Variants in PYGL observed in about 807,000 individuals in gnomAD.
PYGL encodes glycogen phosphorylase, liver form.
PYGL carries 90 observed loss-of-function variants against 100.1 expected under a neutral mutation model. The observed-to-expected ratio is 0.90, with a 90% CI of 0.76 to 1.07. The LOEUF (loss-of-function observed/expected upper bound fraction) is 1.07. Among genes scored for constraint, PYGL ranks in the 50% least tolerant of loss-of-function variants. PYGL has a pLI of 0.00. For missense variants in PYGL, 1,016 were observed against 1,057.6 expected (o/e 0.96, Z 0.55); for synonymous variants, 373 against 393.0 (o/e 0.95, Z 0.60).
At chr14:50,921,637 C>A (rs901744956) in intron 5 of PYGL, 2 of 152,958 alleles carry the variant, frequency 1.3e-5, no homozygotes, top group Admixed American at 1.3e-4. Flanking sequence ...ACCTCGGCCT[C>A]CCAAAGTGCT....
intron 4 of PYGL, 147 bp from the exon 5 acceptor site, chr14:50,924,247 C>T: frequency 1.2e-6 from 1 of 868,652 alleles, no homozygotes; most frequent in Non-Finnish European, 1.8e-6. Context: ...TTACAGCCTA[C>T]ATCAACAATA....
chr14:50,926,319 C>T lies in PYGL; in HGVS notation c.529-2219G>A, dbSNP rs866343390. 1.1e-4 allele frequency among the ~76,000 whole-genome samples: 16 copies of T among 151,868 alleles called. No individual in the cohort carries two copies. The South Asian group carries it at 3.3e-3, about 32-fold the overall frequency. Reference sequence around the variant, plus strand: ...TGAGCTGTGATCATGCCACTGTACTCCACCCTGGGTGACAGAGTGAGACTC... The same window carrying T: ...TGAGCTGTGATCATGCCACTGTACTTCACCCTGGGTGACAGAGTGAGACTC... On this transcript the variant is annotated intron_variant, in intron 4 of 19. Transcript: ENST00000216392.
intron 1 of PYGL, among the ~76,000 whole-genome samples, chr14:50,941,661 A>AGGAGG (rs2050703069): frequency 1.3e-5 from 2 of 152,172 alleles, no homozygotes; most frequent in Admixed American, 6.5e-5. Context: ...TGGGTGGATC[A>AGGAGG]CCAGGTCAGG....
intron 1 of PYGL, 50 bp from the exon 2 acceptor site, chr14:50,937,887 C>T (rs2050669377): frequency 6.7e-7 from 1 of 1,500,284 alleles, no homozygotes; most frequent in Non-Finnish European, 9.3e-7. Context: ...ATCAACCTCA[C>T]TTAACATAAA....
chr14:50,928,284 C>A (rs1442692987), intron 4 of PYGL, among the ~76,000 whole-genome samples: 1 of 152,114 alleles, frequency 6.6e-6, no homozygotes, highest in Non-Finnish European at 1.5e-5. Context: ...CAGGAGAGCC[C>A]ATGAACTTGG....
rs1019125158 is a variant in PYGL at position 50,921,922 on chromosome 14, T to C, written c.661-855A>G. Reference sequence around the variant, plus strand: ...GCTATGCTAGATTTTTAAAGTTGCATAAGGAGTTATTTTAGTGATTCCTAC... The same window carrying C: ...GCTATGCTAGATTTTTAAAGTTGCACAAGGAGTTATTTTAGTGATTCCTAC... On this transcript the variant is annotated intron_variant, in intron 5 of 19. Coordinates refer to ENST00000216392, the MANE Select transcript of PYGL (RefSeq NM_002863.5). Among the ~76,000 whole-genome samples the C allele has an allele frequency of 2.0e-5, 3 of 152,336 alleles. No homozygotes were observed. The East Asian group carries it at 5.8e-4, about 29-fold the overall frequency.
chr14:50,925,889 G>C (rs2050543235), intron 4 of PYGL, among the ~76,000 whole-genome samples: 2 of 152,134 alleles, frequency 1.3e-5, no homozygotes, highest in Non-Finnish European at 2.9e-5. Context: ...TCGTCAGAAA[G>C]TCACATCTTC....
At position 50,920,663 on chromosome 14, in the gene PYGL, C is replaced by A. The variant is rs200146985; in HGVS notation, c.773-40G>T. ...GAGAAACAATAAATAGAGAAACCAG[C>A]CATTGTTGTTGGAAACCTCTTGATC... On this transcript the variant is annotated intron_variant, in intron 6 of 19. Transcript: ENST00000216392. 135 of 1,552,622 alleles carry A rather than the reference C, an allele frequency of 8.7e-5. No individual in the cohort carries two copies. In the African/African-American group the frequency reaches 1.5e-3, roughly 17 times the overall value.
chr14:50,927,004 T>C (rs944059022), intron 4 of PYGL, among the ~76,000 whole-genome samples: 4 of 152,048 alleles, frequency 2.6e-5, no homozygotes, highest in African/African-American at 7.2e-5. Flanking sequence ...TTGTATGAAA[T>C]AGGAAGACGA....
intron 19 of PYGL, among the ~76,000 whole-genome samples, chr14:50,907,007 C>G (rs1344152907): frequency 6.6e-6 from 1 of 152,204 alleles, no homozygotes; most frequent in African/African-American, 2.4e-5. Flanking sequence ...AAAACCCACC[C>G]TGGAGTCTTG....
In PYGL at chr14:50,914,778, G is replaced by C. The variant is rs1318218293; in HGVS notation, c.1441C>G (p.Gln481Glu). ...GGAGTGATCCCATTGGTTTTATTCT[G>C]AAACTTGTCAGGTTCTAGCTCACTG... The part of the protein sequence containing the change: ...DFSELEPDKF[Q>E]NKTNGITPRR... The change falls in exon 12 of 20, where the codon CAG (glutamine) becomes GAG (glutamate). Residue 481 changes from glutamine (Q) to glutamate (E), a missense_variant. Physicochemically the swap from Gln to Glu is conservative, Grantham distance 29. Transcript: ENST00000216392. 1 of 1,614,034 alleles carries C rather than the reference G, an allele frequency of 6.2e-7. No homozygotes were observed. Among genetic ancestry groups the C allele is most frequent in the Admixed American group, 1.7e-5 (1 of 60,016 alleles).
chr14:50,928,081 G>A (rs1238033799), intron 4 of PYGL, among the ~76,000 whole-genome samples: 2 of 152,158 alleles, frequency 1.3e-5, no homozygotes, highest in Admixed American at 6.6e-5. Flanking sequence ...TGGATCTGTG[G>A]AGTAAAAGAG....
At chr14:50,920,462 T>G (rs187297446) in intron 7 of PYGL, 79 bp downstream of exon 7, 2 of 1,308,088 alleles carry the variant, frequency 1.5e-6, no homozygotes, top group East Asian at 4.6e-5. Flanking sequence ...ATATTAAATG[T>G]GTTTTATAGG....
chr14:50,911,078 C>T lies in PYGL; in HGVS notation c.1969+652G>A, dbSNP rs574271752. Among the ~76,000 whole-genome samples the T allele has an allele frequency of 2.3e-4, 35 of 152,334 alleles. No individual in the cohort carries two copies. In the South Asian group the frequency reaches 6.6e-3, roughly 29 times the overall value. On this transcript the variant is annotated intron_variant, in intron 16 of 19. Coordinates refer to ENST00000216392, the MANE Select transcript of PYGL (RefSeq NM_002863.5). ...CAAAAAGAAAAAGCTCCCTTTCTACCTTTTCAGTTTGGGAAGTGGGTGAAT... is the reference window on the plus strand; with the variant it reads ...CAAAAAGAAAAAGCTCCCTTTCTACTTTTTCAGTTTGGGAAGTGGGTGAAT...
chr14:50,910,214 A>G (rs2050380393), intron 16 of PYGL, 112 bp from the exon 17 acceptor site: 1 of 1,121,684 alleles, frequency 8.9e-7, no homozygotes, highest in South Asian at 1.3e-5. Flanking sequence ...ATACATGCAC[A>G]TTAAGATAAA....
intron 5 of PYGL, 120 bp downstream of exon 5, chr14:50,923,849 T>C: frequency 8.0e-7 from 1 of 1,243,374 alleles, no homozygotes; most frequent in Non-Finnish European, 1.1e-6. Flanking sequence ...AAATATATTC[T>C]ATTATTCAAA....
rs2050428928 is a variant in PYGL at position 50,914,690 on chromosome 14, T to G, written c.1518+11A>C. On this transcript the variant is annotated intron_variant, in intron 12 of 19. Coordinates refer to ENST00000216392, the MANE Select transcript of PYGL (RefSeq NM_002863.5). ...GTCAGGCCTCCTTTCCTCTCAGCAC[T>G]TCCCAGTTACCTCTGCTATGAGCTC... is the stretch of plus-strand genomic sequence containing the variant. The G allele has an allele frequency of 6.2e-7, 1 of 1,601,360 alleles. No individual in the cohort carries two copies. The highest frequency in any genetic ancestry group is 2.2e-5 in the East Asian group (1 of 44,808).
chr14:50,924,126 G>C (rs748160270), intron 4 of PYGL, 26 bp from the exon 5 acceptor site: 8 of 1,609,732 alleles, frequency 5.0e-6, no homozygotes, highest in African/African-American at 1.3e-5. Flanking sequence ...GTATTGCTTA[G>C]AATTTATTTG....
rs1322656769 is a variant in PYGL, at chr14:50,916,841, G to T, written c.1000-107C>A. 3.2e-6 allele frequency: 5 copies of T among 1,544,288 alleles called. No individual in the cohort carries two copies. The South Asian group carries it at 5.6e-5, about 17-fold the overall frequency. Reference sequence around the variant, plus strand: ...ACTGATATGCCCACCTTCTATGAAAGACTTGATGCACACTATTCCTGCTCA... The same window carrying T: ...ACTGATATGCCCACCTTCTATGAAATACTTGATGCACACTATTCCTGCTCA... On this transcript the variant is annotated intron_variant, in intron 8 of 19. Coordinates refer to ENST00000216392, the MANE Select transcript of PYGL (RefSeq NM_002863.5).
Sources: allele counts gnomAD v4.1 joint callset (sites outside exome capture counted in the v4.1 genomes callset), GRCh38; gene constraint gnomAD v4.1.1; transcripts MANE v1.5; gene names NCBI Gene and HGNC (gene_info 2026-07-23, HGNC 2026-07-21).